CNTN5: variants seen among roughly 807,000 people sequenced by gnomAD.
CNTN5 encodes the protein contactin-5.
In CNTN5, 77 loss-of-function variants were observed where a neutral mutation model predicts 129.1. The ratio of observed to expected loss-of-function variants is 0.60; its 90% CI spans 0.50 to 0.72. The LOEUF (loss-of-function observed/expected upper bound fraction) is 0.72, where lower values mean the gene tolerates loss of function less well. Among genes scored for constraint, CNTN5 ranks in the 30% least tolerant of loss-of-function variants. The probability of loss-of-function intolerance (pLI) is 0.00; values close to 1 mark genes in which losing one functional copy is unlikely to be tolerated. For missense variants in CNTN5, 1,478 were observed against 1,328.8 expected (o/e 1.11, Z -1.75); for synonymous variants, 509 against 465.6 (o/e 1.09, Z -1.20).
intron 2 of CNTN5, among the ~76,000 whole-genome samples, chr11:99,554,832 A>C (rs772731012): frequency 6.6e-6 from 1 of 152,090 alleles, no homozygotes; most frequent in African/African-American, 2.4e-5. Flanking sequence ...CAGTGTATAA[A>C]TAACCAAGAT....
intron 9 of CNTN5, among the ~76,000 whole-genome samples, chr11:100,049,324 C>T (rs1184587072): frequency 6.6e-6 from 1 of 151,854 alleles, no homozygotes; most frequent in East Asian, 1.9e-4. Context: ...ATAATATTGT[C>T]AGATTCATAT....
intron 1 of CNTN5, among the ~76,000 whole-genome samples, chr11:99,169,432 G>A (rs972699040): frequency 4.1e-5 from 5 of 121,444 alleles, no homozygotes; most frequent in East Asian, 1.0e-3. Flanking sequence ...CCCATAATAC[G>A]TACATATGTG....
chr11:99,642,916 G>T (rs1951823174), intron 3 of CNTN5, among the ~76,000 whole-genome samples: 1 of 152,090 alleles, frequency 6.6e-6, no homozygotes, highest in African/African-American at 2.4e-5. Flanking sequence ...TGTTGCAAAT[G>T]ACAGGTTTTA....
chr11:100,274,698 C>T (rs892885846), intron 18 of CNTN5, among the ~76,000 whole-genome samples: 1 of 152,114 alleles, frequency 6.6e-6, no homozygotes, highest in African/African-American at 2.4e-5. Context: ...CCATCTCATG[C>T]CTGTCACAAT....
At chr11:99,806,287 T>G (rs1277355262) in intron 3 of CNTN5, among the ~76,000 whole-genome samples, 1 of 152,148 alleles carries the variant, frequency 6.6e-6, no homozygotes, top group African/African-American at 2.4e-5. Context: ...TTTTTGGAAT[T>G]TTACATAGTA....
intron 1 of CNTN5, among the ~76,000 whole-genome samples, chr11:99,299,711 C>T (rs866474387): frequency 3.3e-5 from 5 of 152,122 alleles, no homozygotes; most frequent in African/African-American, 7.2e-5. Flanking sequence ...TCCATGTTGC[C>T]GCAAAAGACA....
intron 1 of CNTN5, among the ~76,000 whole-genome samples, chr11:99,239,855 G>T (rs923949085): frequency 6.6e-5 from 10 of 151,428 alleles, no homozygotes; most frequent in Non-Finnish European, 1.2e-4. Flanking sequence ...GAGAATGGCG[G>T]GAACCCGGGA....
intron 2 of CNTN5, among the ~76,000 whole-genome samples, chr11:99,334,163 CA>C (rs1866122820): frequency 6.6e-6 from 1 of 152,036 alleles, no homozygotes; most frequent in Non-Finnish European, 1.5e-5. Context: ...CACAAATACA[CA>C]GGCATCTTTG....
At chr11:99,249,924 G>A (rs1026526945) in intron 1 of CNTN5, among the ~76,000 whole-genome samples, 1 of 151,898 alleles carries the variant, frequency 6.6e-6, no homozygotes, top group Non-Finnish European at 1.5e-5. Context: ...CATTTAGATA[G>A]TTTATAGTAG....
chr11:100,204,871 T>C (rs1047854189), intron 15 of CNTN5, among the ~76,000 whole-genome samples: 1 of 151,984 alleles, frequency 6.6e-6, no homozygotes, highest in African/African-American at 2.4e-5. Flanking sequence ...CCTACATATA[T>C]GTATGTATCT....
chr11:99,351,234 T>A (rs1938277504), intron 2 of CNTN5, among the ~76,000 whole-genome samples: 1 of 152,202 alleles, frequency 6.6e-6, no homozygotes, highest in South Asian at 2.1e-4. Flanking sequence ...TGTACTGATA[T>A]AGAGGAAGCC....
intron 1 of CNTN5, among the ~76,000 whole-genome samples, chr11:99,271,805 T>C (rs1278488049): frequency 6.6e-6 from 1 of 151,810 alleles, no homozygotes; most frequent in East Asian, 1.9e-4. Context: ...AGCTTGAGTG[T>C]CCTCAGTGCT....
Position 99,248,465 on chromosome 11 carries a change from A to C in CNTN5, c.-209-76881A>C, listed in dbSNP as rs369478384. Among the ~76,000 whole-genome samples, 214 of 152,114 alleles carry C rather than the reference A, an allele frequency of 1.4e-3. 1 individual carries two copies. The highest frequency in any genetic ancestry group is 4.9e-3 in the African/African-American group (202 of 41,510). On this transcript the variant is annotated intron_variant, in intron 1 of 24. Transcript: ENST00000524871. ...TTGCTGTGCAGAAGCTCTTTAGTTT[A>C]ATTAGATCCCATTTGTCAATTTTGG... is the stretch of plus-strand genomic sequence containing the variant.
At chr11:100,097,717 G>T (rs1013832303) in intron 13 of CNTN5, among the ~76,000 whole-genome samples, 3 of 151,992 alleles carry the variant, frequency 2.0e-5, no homozygotes, top group African/African-American at 4.8e-5. Context: ...TGAGATAAAA[G>T]GTTCTTTAGA....
chr11:99,876,060 C>T (rs555686465), intron 6 of CNTN5, among the ~76,000 whole-genome samples: 142 of 152,222 alleles, frequency 9.3e-4, no homozygotes, highest in African/African-American at 3.4e-3. Context: ...CATATCATCT[C>T]CTGCTGAAAG....
intron 6 of CNTN5, among the ~76,000 whole-genome samples, chr11:99,872,667 TC>T (rs1259046916): frequency 4.6e-5 from 7 of 152,114 alleles, no homozygotes; most frequent in Non-Finnish European, 7.4e-5. Flanking sequence ...CTGGTGGAAA[TC>T]ATGATTTTTG....
At chr11:99,299,987 G>A (rs1476767713) in intron 1 of CNTN5, among the ~76,000 whole-genome samples, 1 of 152,116 alleles carries the variant, frequency 6.6e-6, no homozygotes, top group Admixed American at 6.5e-5. Context: ...CTCCATAGAA[G>A]TTGTACTAAT....
At chr11:100,269,008 A>G (rs1950358667) in intron 17 of CNTN5, among the ~76,000 whole-genome samples, 1 of 152,238 alleles carries the variant, frequency 6.6e-6, no homozygotes, top group Admixed American at 6.5e-5. Context: ...GAGAGTATCT[A>G]AAACCATGAG....
intron 2 of CNTN5, among the ~76,000 whole-genome samples, chr11:99,549,776 C>T (rs1048889565): frequency 6.6e-6 from 1 of 152,128 alleles, no homozygotes; most frequent in African/African-American, 2.4e-5. Flanking sequence ...TGTCTTTACC[C>T]TGTTCTAATA....
Sources: gnomAD v4.1 joint callset for allele counts (sites outside exome capture counted in the v4.1 genomes callset) on GRCh38, gnomAD v4.1.1 for gene constraint, MANE v1.5 for transcripts, NCBI Gene and HGNC (gene_info 2026-07-23, HGNC 2026-07-21) for gene names.